Variants in RUBCNL observed in about 807,000 individuals in gnomAD.
RUBCNL encodes the protein protein associated with UVRAG as autophagy enhancer.
Under a neutral mutation model 69.5 loss-of-function variants are expected in RUBCNL, and 62 were observed. That is an observed-to-expected ratio of 0.89 (90% confidence interval 0.73 to 1.10). The LOEUF (loss-of-function observed/expected upper bound fraction) is 1.10, where lower values mean the gene tolerates loss of function less well. Among genes scored for constraint, RUBCNL ranks in the 50% least tolerant of loss-of-function variants. RUBCNL has a pLI of 0.00. For missense variants in RUBCNL, 768 were observed against 798.1 expected (o/e 0.96, Z 0.45); for synonymous variants, 291 against 303.6 (o/e 0.96, Z 0.43).
At position 46,359,603 on chromosome 13, in the gene RUBCNL, T is replaced by G. The variant is rs748856110; in HGVS notation, c.1148A>C (p.Asp383Ala). 4 of 1,592,454 alleles carry G rather than the reference T, an allele frequency of 2.5e-6. No individual in the cohort carries two copies. The highest frequency in any genetic ancestry group is 2.6e-6 in the Non-Finnish European group (3 of 1,168,514). Residue 383 changes from aspartate to alanine, a missense_variant, in exon 9 of 15, where the codon GAC (aspartate) becomes GCC (alanine). By Grantham distance (126) the Asp-to-Ala change is moderately radical (BLOSUM62 -2). Transcript: ENST00000429979. ...IVVNEECVRK[D>A]FESSMNVVQE... ...TACTACATTCATACTGGATTCAAAG[T>G]CTTTTCGGACACACTCTTCATTTAC... is the stretch of plus-strand genomic sequence containing the variant.
chr13:46,389,530 GT>G (rs2049310861), upstream of RUBCNL, among the ~76,000 whole-genome samples: 1 of 152,178 alleles, frequency 6.6e-6, no homozygotes, highest in Non-Finnish European at 1.5e-5. The surrounding 1 kb of genome is among the most constrained non-coding windows in gnomAD (Gnocchi z 4.2). Flanking sequence ...CAAGAAAATC[GT>G]TTTTGTAGGG....
At chr13:46,374,226 A>T (rs2048940168) in intron 2 of RUBCNL, among the ~76,000 whole-genome samples, 1 of 152,120 alleles carries the variant, frequency 6.6e-6, no homozygotes, top group Non-Finnish European at 1.5e-5. Flanking sequence ...TTACAGGTGC[A>T]TGCCACCACA....
chr13:46,376,365 G>A (rs1262640028), intron 2 of RUBCNL, among the ~76,000 whole-genome samples: 1 of 151,766 alleles, frequency 6.6e-6, no homozygotes, highest in Non-Finnish European at 1.5e-5. Flanking sequence ...ATATATAAAT[G>A]CATCTTTTGT....
At position 46,338,103 on chromosome 13, in the gene RUBCNL, G is replaced by C. The variant is rs985117174; in HGVS notation, c.*5282C>G. On this transcript the variant is annotated 3_prime_UTR_variant, in exon 15 of 15. Transcript: ENST00000429979. The stretch of plus-strand genomic sequence containing the variant: ...GTACGCTGAAGAATGGGCAAGATCG[G>C]GAGGGAGATGAAAAGGGGAAGCGCC... 1.3e-5 allele frequency among the ~76,000 whole-genome samples: 2 copies of C among 152,188 alleles called. No individual in the cohort carries two copies. The highest frequency in any genetic ancestry group is 4.8e-5 in the African/African-American group (2 of 41,440).
chr13:46,387,299 C>T (rs1421724737), upstream of RUBCNL: 3 of 985,382 alleles, frequency 3.0e-6, no homozygotes, highest in African/African-American at 5.2e-5. Context: ...CCGACGCCGC[C>T]ACGCCCCCCG....
Position 46,339,455 on chromosome 13 carries a change from G to A in RUBCNL, c.*3930C>T, listed in dbSNP as rs949289583. 6.6e-6 allele frequency among the ~76,000 whole-genome samples: 1 copy of A among 152,190 alleles called. No homozygotes were observed. The highest frequency in any genetic ancestry group is 1.5e-5 in the Non-Finnish European group (1 of 68,038). On this transcript the variant is annotated 3_prime_UTR_variant, in exon 15 of 15. Coordinates refer to ENST00000429979, the MANE Select transcript of RUBCNL (RefSeq NM_025113.5). ...TGGCTAAGCCAGCCATGCAGGCTCAGACCTGGGGGCAGAAACTGAATGTCA... is the reference window on the plus strand; with the variant it reads ...TGGCTAAGCCAGCCATGCAGGCTCAAACCTGGGGGCAGAAACTGAATGTCA...
rs531285411 is a variant in RUBCNL, at chr13:46,337,156, G to A, written c.*6229C>T. The stretch of plus-strand genomic sequence containing the variant: ...TTCCTTTTTCTTTTTTTGGGGGCAG[G>A]GAGGGGGGACCAAGTCTCACTCTGT... On this transcript the variant is annotated 3_prime_UTR_variant, in exon 15 of 15. Transcript: ENST00000429979. Among the ~76,000 whole-genome samples the A allele has an allele frequency of 2.6e-5, 4 of 151,686 alleles. No individual in the cohort carries two copies. In the East Asian group the frequency reaches 7.8e-4, roughly 29 times the overall value.
At chr13:46,387,279 C>G, upstream of RUBCNL, 1 of 985,436 alleles carries the variant, frequency 1.0e-6, no homozygotes, top group Non-Finnish European at 1.2e-6. Flanking sequence ...GAGGAGGGGA[C>G]AGCGACGCCC....
intron 11 of RUBCNL, among the ~76,000 whole-genome samples, chr13:46,349,615 T>A (rs1439622692): frequency 6.6e-6 from 1 of 151,752 alleles, no homozygotes; most frequent in African/African-American, 2.4e-5. Flanking sequence ...AAGTATAAGA[T>A]TCAGTGTGGG....
chr13:46,367,919 T>C lies in RUBCNL; in HGVS notation c.826+123A>G, dbSNP rs550292426. On this transcript the variant is annotated intron_variant, in intron 5 of 14. Transcript: ENST00000429979. ...AAGTAGTGTATATAGAGTTTGGTAC[T>C]ATCTGAAGGTTCAGGCTTCCACTGG... 858 of 899,150 alleles carry C rather than the reference T, an allele frequency of 9.5e-4. 1 individual carries two copies. The highest frequency in any genetic ancestry group is 1.1e-3 in the South Asian group (73 of 65,278). 55.7% of individuals were successfully genotyped at this position (899,150 alleles called of 1,614,324 possible). A position where few individuals can be genotyped will look rare whatever the true frequency, so the allele number is the denominator to read the frequency against.
At chr13:46,368,516 A>G in intron 4 of RUBCNL, 4 of 984,842 alleles carry the variant, frequency 4.1e-6, no homozygotes, top group Non-Finnish European at 4.8e-6. Context: ...CTAATGCCAG[A>G]CATCATTCAT....
At chr13:46,379,456 T>A (rs997549236) in intron 1 of RUBCNL, among the ~76,000 whole-genome samples, 1 of 152,230 alleles carries the variant, frequency 6.6e-6, no homozygotes, top group Non-Finnish European at 1.5e-5. Flanking sequence ...AGGTGTTCAA[T>A]AAATATATTC....
At chr13:46,388,105 G>C (rs1352352343), upstream of RUBCNL, among the ~76,000 whole-genome samples, 1 of 151,104 alleles carries the variant, frequency 6.6e-6, no homozygotes, top group Non-Finnish European at 1.5e-5. Context: ...CCGGCTACTA[G>C]GGAGGCTGAA....
intron 10 of RUBCNL, among the ~76,000 whole-genome samples, chr13:46,354,141 G>T (rs1387795662): frequency 6.6e-6 from 1 of 151,994 alleles, no homozygotes; most frequent in Non-Finnish European, 1.5e-5. Flanking sequence ...CTTATTTTTG[G>T]GATATACTGA....
chr13:46,349,017 C>T (rs986124357), intron 12 of RUBCNL, among the ~76,000 whole-genome samples: 2 of 152,206 alleles, frequency 1.3e-5, no homozygotes, highest in Non-Finnish European at 2.9e-5. Context: ...GAGGCCTCCC[C>T]AGCTATGCAA....
chr13:46,336,650 C>T lies in RUBCNL; in HGVS notation c.*6735G>A, dbSNP rs1594122101. On this transcript the variant is annotated 3_prime_UTR_variant, in exon 15 of 15. Transcript: ENST00000429979. ...ACTGTGGTAGAGAGGTAGGTGAAGA[C>T]AATACAGTGACTACTGAATTTAGAT... Among the ~76,000 whole-genome samples, 1 of 151,972 alleles carries T rather than the reference C, an allele frequency of 6.6e-6. No individual in the cohort carries two copies. Among genetic ancestry groups the T allele is most frequent in the South Asian group, 2.1e-4 (1 of 4,822 alleles).
intron 5 of RUBCNL, among the ~76,000 whole-genome samples, chr13:46,366,542 C>G (rs2048759618): frequency 6.6e-6 from 1 of 152,174 alleles, no homozygotes; most frequent in African/African-American, 2.4e-5. Flanking sequence ...TATCTTAAGA[C>G]AAAACAACCC....
intron 10 of RUBCNL, among the ~76,000 whole-genome samples, chr13:46,355,784 C>T (rs1016111305): frequency 6.6e-6 from 1 of 152,178 alleles, no homozygotes. Context: ...ATAAATACAA[C>T]AGACAACACA....
intron 6 of RUBCNL, 99 bp downstream of exon 6, chr13:46,363,016 C>T (rs1398139189): frequency 2.3e-5 from 7 of 305,328 alleles, no homozygotes; most frequent in Non-Finnish European, 3.4e-5. Flanking sequence ...GGTTTGAATG[C>T]CACTGTAACG....
Sources: gnomAD v4.1 joint callset for allele counts (sites outside exome capture counted in the v4.1 genomes callset) on GRCh38, gnomAD v4.1.1 for gene constraint, Gnocchi (gnomAD v3.1) non-coding constraint, MANE v1.5 for transcripts, NCBI Gene and HGNC (gene_info 2026-07-23, HGNC 2026-07-21) for gene names.